Variants in SUPT3H observed in about 807,000 individuals in gnomAD.
SUPT3H encodes SPT3 homolog, SAGA and STAGA complex component.
In SUPT3H, 44 loss-of-function variants were observed where a neutral mutation model predicts 44.3. The ratio of observed to expected loss-of-function variants is 0.99; its 90% CI spans 0.78 to 1.28. SUPT3H has a LOEUF of 1.28. SUPT3H is among the 50% of genes most tolerant of loss of function. The pLI is 0.00. For missense variants in SUPT3H, 380 were observed against 387.1 expected (o/e 0.98, Z 0.15); for synonymous variants, 124 against 125.6 (o/e 0.99, Z 0.09).
intron 2 of SUPT3H, among the ~76,000 whole-genome samples, chr6:45,317,501 T>TA (rs1170448782): frequency 6.6e-6 from 1 of 151,964 alleles, no homozygotes; most frequent in Non-Finnish European, 1.5e-5. Context: ...GCACACACAC[T>TA]AACGGAACAG....
At position 44,926,746 on chromosome 6, in the gene SUPT3H, G is replaced by A. The variant is rs1476850932; in HGVS notation, c.912+5907C>T. On this transcript the variant is annotated intron_variant, in intron 10 of 10. Transcript: ENST00000371459. ...ACAATAGTTTCTATTTGTTAAGGTC[G>A]TCATGAGGCCTGTGTGAGTCAGTAC... Among the ~76,000 whole-genome samples the A allele has an allele frequency of 4.6e-5, 7 of 152,058 alleles. No homozygotes were observed. The East Asian group carries it at 5.8e-4, about 13-fold the overall frequency.
At chr6:44,820,213 C>T (rs566060008) in intron 11 of SUPT3H, among the ~76,000 whole-genome samples, 3 of 152,102 alleles carry the variant, frequency 2.0e-5, no homozygotes, top group African/African-American at 7.2e-5. Context: ...AGTGAGACCC[C>T]ATCTCAAAAA....
chr6:45,329,161 C>T (rs1786953932), intron 2 of SUPT3H, among the ~76,000 whole-genome samples: 1 of 151,926 alleles, frequency 6.6e-6, no homozygotes, highest in Non-Finnish European at 1.5e-5. Context: ...ACTCCGGCAG[C>T]TCCCAATATT....
chr6:44,810,860 C>T (rs1428468605), intron 11 of SUPT3H, among the ~76,000 whole-genome samples: 1 of 151,262 alleles, frequency 6.6e-6, no homozygotes, highest in African/African-American at 2.4e-5. Context: ...GAGCTGAGAT[C>T]GTGCCACTGC....
chr6:45,185,891 A>G (rs1814125777), intron 2 of SUPT3H, among the ~76,000 whole-genome samples: 1 of 152,206 alleles, frequency 6.6e-6, no homozygotes, highest in African/African-American at 2.4e-5. Context: ...AGCAAAGCCC[A>G]GAGGGAAGCA....
At chr6:45,360,809 A>C (rs1333624531) in intron 2 of SUPT3H, among the ~76,000 whole-genome samples, 1 of 152,220 alleles carries the variant, frequency 6.6e-6, no homozygotes, top group Admixed American at 6.5e-5. Flanking sequence ...GGGCAGAACT[A>C]CAGACCTAAA....
At chr6:44,870,455 G>T (rs1776188857) in intron 10 of SUPT3H, among the ~76,000 whole-genome samples, 1 of 151,796 alleles carries the variant, frequency 6.6e-6, no homozygotes, top group South Asian at 2.1e-4. Context: ...AAATTAGCCA[G>T]GTGTGTGGTG....
chr6:45,095,907 T>C lies in SUPT3H; in HGVS notation c.186+10015A>G, dbSNP rs888718627. On this transcript the variant is annotated intron_variant, in intron 3 of 10. Transcript: ENST00000371459. The surrounding 1 kb of genome is among the most constrained non-coding windows in gnomAD (Gnocchi z 4.1). ...GGATATGAAAAAGTTTGCATCTCTC[T>C]GGTAAATGTGAAATTCTTGGAAATT... is the stretch of plus-strand genomic sequence containing the variant. Among the ~76,000 whole-genome samples, 3 of 152,136 alleles carry C rather than the reference T, an allele frequency of 2.0e-5. No individual in the cohort carries two copies. The highest frequency in any genetic ancestry group is 7.2e-5 in the African/African-American group (3 of 41,444).
chr6:44,880,895 G>A (rs1778115736), intron 10 of SUPT3H, among the ~76,000 whole-genome samples: 1 of 152,074 alleles, frequency 6.6e-6, no homozygotes, highest in Non-Finnish European at 1.5e-5. Context: ...GTCACCACCA[G>A]GCCTACGTTA....
intron 11 of SUPT3H, among the ~76,000 whole-genome samples, chr6:44,819,980 T>C (rs1767182012): frequency 6.6e-6 from 1 of 152,090 alleles, no homozygotes; most frequent in Non-Finnish European, 1.5e-5. Flanking sequence ...CCCAACACTT[T>C]GGGAAGACAA....
intron 6 of SUPT3H, among the ~76,000 whole-genome samples, chr6:44,984,473 T>C (rs995447854): frequency 6.6e-6 from 1 of 152,168 alleles, no homozygotes; most frequent in Non-Finnish European, 1.5e-5. Context: ...GCTTAGAAGA[T>C]ACACATCCTT....
At chr6:45,329,699 C>T (rs1443006207) in intron 2 of SUPT3H, among the ~76,000 whole-genome samples, 4 of 151,862 alleles carry the variant, frequency 2.6e-5, no homozygotes. Context: ...TTAAACCATG[C>T]TGGACTTTAA....
intron 2 of SUPT3H, among the ~76,000 whole-genome samples, chr6:45,180,550 C>G (rs1812955379): frequency 1.3e-5 from 2 of 149,548 alleles, no homozygotes; most frequent in African/African-American, 2.5e-5. Context: ...ACAGAGCCCT[C>G]AGAAATAACA....
At chr6:44,969,261 A>G (rs942070558) in intron 6 of SUPT3H, among the ~76,000 whole-genome samples, 3 of 152,208 alleles carry the variant, frequency 2.0e-5, no homozygotes, top group African/African-American at 7.2e-5. Flanking sequence ...AATTCCATTT[A>G]TGTTTGAACA....
chr6:45,315,350 C>G (rs1022080251), intron 2 of SUPT3H, among the ~76,000 whole-genome samples: 3 of 152,090 alleles, frequency 2.0e-5, no homozygotes, highest in Non-Finnish European at 2.9e-5. Flanking sequence ...TGACAACCCA[C>G]AGAGTTGGAG....
chr6:45,048,203 G>T (rs919178966), intron 3 of SUPT3H, among the ~76,000 whole-genome samples: 8 of 127,876 alleles, frequency 6.3e-5, no homozygotes, highest in South Asian at 2.6e-4. Context: ...CTCTCATTTT[G>T]TAAGTTGTCT....
intron 2 of SUPT3H, among the ~76,000 whole-genome samples, chr6:45,322,679 C>G (rs1403521219): frequency 6.6e-6 from 1 of 152,050 alleles, no homozygotes; most frequent in African/African-American, 2.4e-5. Flanking sequence ...TTTACTGAAA[C>G]CAATGAAAAA....
intron 1 of SUPT3H, among the ~76,000 whole-genome samples, chr6:45,375,260 A>C (rs570027792): frequency 6.6e-6 from 1 of 152,304 alleles, no homozygotes; most frequent in East Asian, 1.9e-4. Flanking sequence ...TCCTAAAACT[A>C]TATATTACAA....
chr6:45,113,827 C>CAAAAAAAAAAAAA (rs374606230), intron 2 of SUPT3H, among the ~76,000 whole-genome samples: 1 of 112,748 alleles, frequency 8.9e-6, no homozygotes, highest in African/African-American at 3.4e-5. Context: ...AAGACTCCAT[C>CAAAAAAAAAAAAA]AAAAAAAAAA....
Sources: allele counts gnomAD v4.1 joint callset (sites outside exome capture counted in the v4.1 genomes callset), GRCh38; gene constraint gnomAD v4.1.1; non-coding constraint Gnocchi (gnomAD v3.1); transcripts MANE v1.5; gene names NCBI Gene and HGNC (gene_info 2026-07-23, HGNC 2026-07-21).